Variants in DOCK8 observed in about 807,000 individuals in gnomAD.
The protein encoded by DOCK8 is dedicator of cytokinesis 8.
A neutral mutation model predicts 245.6 loss-of-function variants in DOCK8; 141 were observed. The observed-to-expected ratio is 0.57, with a 90% CI of 0.50 to 0.66. DOCK8 has a LOEUF of 0.66. Ranked by LOEUF, DOCK8 falls within the 30% of genes least tolerant of loss-of-function variation. The pLI is 0.00. For missense variants in DOCK8, 2,965 were observed against 2,603.4 expected (o/e 1.14, Z -3.02); for synonymous variants, 1,168 against 970.2 (o/e 1.20, Z -3.79).
intron 26 of DOCK8, among the ~76,000 whole-genome samples, chr9:399,915 C>G (rs952831531): frequency 2.6e-5 from 4 of 151,730 alleles, no homozygotes; most frequent in Admixed American, 6.6e-5. Flanking sequence ...ATTACTGCTA[C>G]TACTACCACC....
At chr9:237,571 A>G (rs957296048) in intron 1 of DOCK8, among the ~76,000 whole-genome samples, 7 of 152,174 alleles carry the variant, frequency 4.6e-5, no homozygotes, top group African/African-American at 1.2e-4. Flanking sequence ...GGAAGGATCA[A>G]TTGAGCCTGG....
intron 46 of DOCK8, among the ~76,000 whole-genome samples, chr9:455,094 C>T (rs2057593067): frequency 6.6e-6 from 1 of 152,236 alleles, no homozygotes. Context: ...GAACCAGTCC[C>T]ACCTTTCTCC....
intron 22 of DOCK8, among the ~76,000 whole-genome samples, chr9:386,059 G>C (rs1371736263): frequency 6.6e-6 from 1 of 152,076 alleles, no homozygotes; most frequent in Non-Finnish European, 1.5e-5. Context: ...ACTCCTAGAA[G>C]GGACTACTCA....
At chr9:300,369 C>G (rs2049481778) in intron 4 of DOCK8, among the ~76,000 whole-genome samples, 3 of 152,104 alleles carry the variant, frequency 2.0e-5, no homozygotes, top group Admixed American at 2.0e-4. Context: ...CACCTCATGT[C>G]CCTTTACCAG....
intron 46 of DOCK8, among the ~76,000 whole-genome samples, chr9:455,952 G>A (rs1354071668): frequency 6.6e-6 from 1 of 152,156 alleles, no homozygotes. Context: ...CTTTGTGCCA[G>A]GCACTGTGCT....
chr9:242,886 G>C (rs1003491665), intron 1 of DOCK8, among the ~76,000 whole-genome samples: 10 of 151,614 alleles, frequency 6.6e-5, no homozygotes, highest in African/African-American at 1.7e-4. Context: ...TTTCAAGAAA[G>C]TTGGACGCTG....
intron 7 of DOCK8, among the ~76,000 whole-genome samples, chr9:318,392 C>T (rs2050440931): frequency 6.6e-6 from 1 of 152,206 alleles, no homozygotes; most frequent in Non-Finnish European, 1.5e-5. Context: ...GTTTCAACCC[C>T]TGGGAACTTC....
In DOCK8 at chr9:251,561, G is replaced by A. The variant is rs190994182; in HGVS notation, c.54-20066G>A. Among the ~76,000 whole-genome samples, 6 of 152,282 alleles carry A rather than the reference G, an allele frequency of 3.9e-5. No individual in the cohort carries two copies. In the East Asian group the frequency reaches 1.2e-3, roughly 29 times the overall value. ...AGGAAAATACCAGAAGTTTCACTCC[G>A]ATAGCAGCTTTTTCTGAGATGCGCC... On this transcript the variant is annotated intron_variant, in intron 1 of 47. Transcript: ENST00000432829.
chr9:421,006 A>C lies in DOCK8; in HGVS notation c.4081A>C (p.Lys1361Gln). 6.2e-7 allele frequency: 1 copy of C among 1,614,208 alleles called. No individual in the cohort carries two copies. The highest frequency in any genetic ancestry group is 8.5e-7 in the Non-Finnish European group (1 of 1,180,032). The stretch of plus-strand genomic sequence containing the variant: ...AGTCCTGCAGAAGTCAAGGGATGTC[A>C]AGGCCCGGCTGGAAGAGGCTTTGCT... ...TQVLQKSRDV[K>Q]ARLEEALLRG... Residue 1361 changes from lysine (K) to glutamine (Q), a missense_variant, in exon 32 of 48, where the codon AAG becomes CAG. By Grantham distance (53) the Lys-to-Gln change is moderately conservative. Transcript: ENST00000432829.
Position 403,966 on chromosome 9 carries a change from ATATATATATGTG to A in DOCK8, c.3235-942_3235-931del, listed in dbSNP as rs1326564132. On this transcript the variant is annotated intron_variant, in intron 26 of 47. Coordinates refer to ENST00000432829, the MANE Select transcript of DOCK8 (RefSeq NM_203447.4). ...TATGTGTATATATATATATGTATAT[ATATATATATGTG>A]TATATATATATATGTGTATATATAT... 2.5e-4 allele frequency among the ~76,000 whole-genome samples: 18 copies of A among 72,732 alleles called. 1 individual carries two copies. Among genetic ancestry groups the A allele is most frequent in the Non-Finnish European group, 3.9e-4 (17 of 44,062 alleles). 47.7% of individuals were successfully genotyped at this position (72,732 alleles called of 152,430 possible).
At position 434,868 on chromosome 9, in the gene DOCK8, T is replaced by C. The variant is rs1344008218; in HGVS notation, c.4972T>C (p.Tyr1658His). The C allele has an allele frequency of 1.9e-6, 3 of 1,614,096 alleles. No individual in the cohort carries two copies. The highest frequency in any genetic ancestry group is 1.7e-6 in the Non-Finnish European group (2 of 1,180,034). Residue 1658 changes from tyrosine (Y) to histidine (H), a missense_variant, in exon 39 of 48, where the codon TAC becomes CAC. This residue lies in a region of DOCK8 where 2,825 missense variants were observed against 2,453.5 expected (regional missense o/e 1.15). Coordinates refer to ENST00000432829, the MANE Select transcript of DOCK8 (RefSeq NM_203447.4). ...MAEKHTKKKC[Y>H]TEAAMCLVHA... ...AGAGAAACACACCAAGAAGAAGTGC[T>C]ACACGGAGGCTGCCATGTGCCTGGT...
chr9:444,284 A>T (rs1340276678), intron 43 of DOCK8, among the ~76,000 whole-genome samples: 1 of 151,624 alleles, frequency 6.6e-6, no homozygotes, highest in African/African-American at 2.4e-5. Flanking sequence ...GCCAGCTACA[A>T]ATTTGGGAGT....
intron 6 of DOCK8, chr9:312,454 T>C: frequency 1.8e-6 from 1 of 544,372 alleles, no homozygotes; most frequent in Non-Finnish European, 3.5e-6. Context: ...GTTTCAAGGG[T>C]CTACATGTAG....
chr9:299,402 C>T (rs1156663245), intron 4 of DOCK8, among the ~76,000 whole-genome samples: 1 of 152,230 alleles, frequency 6.6e-6, no homozygotes, highest in Admixed American at 6.5e-5. Context: ...GCTGAGACTA[C>T]AGGCAGGTGG....
At chr9:257,460 T>A (rs1410843028) in intron 1 of DOCK8, among the ~76,000 whole-genome samples, 1 of 152,192 alleles carries the variant, frequency 6.6e-6, no homozygotes, top group Non-Finnish European at 1.5e-5. Context: ...TTCCCAAATG[T>A]AAGCCTGCAA....
chr9:283,566 C>G (rs527580609), intron 2 of DOCK8, among the ~76,000 whole-genome samples: 2 of 152,268 alleles, frequency 1.3e-5, no homozygotes, highest in South Asian at 4.1e-4. Flanking sequence ...TCCCACCTCT[C>G]CAAGCCTTTC....
intron 1 of DOCK8, among the ~76,000 whole-genome samples, chr9:269,843 C>G (rs889378834): frequency 3.3e-5 from 5 of 152,172 alleles, no homozygotes; most frequent in African/African-American, 1.2e-4. Context: ...CAGGTGTGAG[C>G]CACCACACAC....
intron 39 of DOCK8, among the ~76,000 whole-genome samples, chr9:438,358 G>A (rs2056973498): frequency 6.6e-6 from 1 of 152,240 alleles, no homozygotes; most frequent in South Asian, 2.1e-4. Context: ...TACAGCAATA[G>A]GAAGGAGTGG....
At chr9:245,247 C>T (rs767801028) in intron 1 of DOCK8, among the ~76,000 whole-genome samples, 29 of 152,154 alleles carry the variant, frequency 1.9e-4, no homozygotes, top group Non-Finnish European at 3.1e-4. Flanking sequence ...CACTGTCACC[C>T]AGGCTGGAGT....
Sources: allele counts gnomAD v4.1 joint callset (sites outside exome capture counted in the v4.1 genomes callset), GRCh38; gene constraint gnomAD v4.1.1; regional missense constraint gnomAD v4.1.1; transcripts MANE v1.5; gene names NCBI Gene and HGNC (gene_info 2026-07-23, HGNC 2026-07-21).